URGCP: variants seen among roughly 807,000 people sequenced by gnomAD.
URGCP encodes the protein up-regulator of cell proliferation.
URGCP carries 13 observed loss-of-function variants against 24.6 expected under a neutral mutation model. The ratio of observed to expected loss-of-function variants is 0.53; its 90% confidence interval spans 0.34 to 0.84. The LOEUF (loss-of-function observed/expected upper bound fraction) is 0.84, where lower values mean the gene tolerates loss of function less well. Ranked by LOEUF, URGCP falls within the 40% of genes least tolerant of loss-of-function variation. URGCP has a pLI of 0.01. For synonymous variants in URGCP, 444 were observed against 487.2 expected, an observed-to-expected ratio of 0.91 and a Z score of 1.17; for missense variants, 899 against 1,194.3, an observed-to-expected ratio of 0.75 and a Z score of 3.64.
chr7:43,881,100 T>G, intron 5 of URGCP: 1 of 679,970 alleles, frequency 1.5e-6, no homozygotes, highest in South Asian at 1.6e-5. Flanking sequence ...TCAGGTTTCC[T>G]AGCTTTGCCT....
chr7:43,879,261 C>T lies in URGCP; in HGVS notation c.203-1G>A, dbSNP rs1401160774. ...ATTTCTTGAAGCCTGCTTCTCTCCA[C>T]TGTGGAAAGAAATGAAGACATAAGT... On this transcript the variant is annotated splice_acceptor_variant, in intron 5 of 5. Transcript: ENST00000453200. LOFTEE classifies it high-confidence loss of function. 6.2e-7 allele frequency: 1 copy of T among 1,603,000 alleles called. No individual in the cohort carries two copies. The highest frequency in any genetic ancestry group is 8.5e-7 in the Non-Finnish European group (1 of 1,176,486).
rs17851648 is a variant in URGCP at position 43,877,413 on chromosome 7, C to T, written c.2050G>A (p.Val684Ile). The T allele has an allele frequency of 2.2e-5, 35 of 1,613,482 alleles. No homozygotes were observed. In the African/African-American group the frequency reaches 2.3e-4, roughly 10 times the overall value. ...WVTGLLKELH[V>I]RLERRSRLVV... ...AGCCTTGACCGTCTCTCCAGTCGGA[C>T]GTGCAGCTCCTTCAGGAGCCCTGTG... The change falls in exon 6 of 6, where the codon GTC becomes ATC. Residue 684 changes from valine to isoleucine, a missense_variant. Physicochemically the swap from Val to Ile is conservative, Grantham distance 29. Coordinates refer to ENST00000453200, the MANE Select transcript of URGCP (RefSeq NM_001077663.3).
At chr7:43,909,739 AAAT>A (rs959836035), upstream of URGCP, among the ~76,000 whole-genome samples, 2 of 150,240 alleles carry the variant, frequency 1.3e-5, no homozygotes, top group African/African-American at 4.9e-5. Flanking sequence ...ATAATTTAAA[AAAT>A]AATAATAATA....
In URGCP at chr7:43,876,790, C is replaced by G. The variant is rs1333285772; in HGVS notation, c.2673G>C (p.Val891=). 6.2e-7 allele frequency: 1 copy of G among 1,614,212 alleles called. No individual in the cohort carries two copies. Among genetic ancestry groups the G allele is most frequent in the Admixed American group, 1.7e-5 (1 of 60,032 alleles). ...ATATGGCTTCACTGTAGGCCAAGCT[C>G]ACTGCGGCCATGGGAGGTGCTCCGT... The part of the protein sequence containing the change: ...LWHGAPPMAA[V]SLAYSEAIFE... The change falls in exon 6 of 6, where the codon GTG becomes GTC. Residue 891 remains valine (V), a synonymous_variant. Coordinates refer to ENST00000453200, the MANE Select transcript of URGCP (RefSeq NM_001077663.3).
chr7:43,903,542 T>C (rs1008442516), intron 1 of URGCP, among the ~76,000 whole-genome samples: 2 of 152,150 alleles, frequency 1.3e-5, no homozygotes, highest in African/African-American at 4.8e-5. Flanking sequence ...ATCTGAAAAA[T>C]ATAGACTTCA....
chr7:43,914,975 C>T (rs958235252), intron 1 of URGCP, among the ~76,000 whole-genome samples: 1 of 152,174 alleles, frequency 6.6e-6, no homozygotes, highest in Non-Finnish European at 1.5e-5. Context: ...CTCAGACTAA[C>T]GGCCCGCATG....
chr7:43,876,217 T>C lies in URGCP; in HGVS notation c.*450A>G, dbSNP rs1404643556. On this transcript the variant is annotated 3_prime_UTR_variant, in exon 6 of 6. Transcript: ENST00000453200. ...CGGGCACTCACATCTTGAATGCTGG[T>C]CCACTGGAGGCCCTTGGGTTGGGCG... 1 of 170,242 alleles carries C rather than the reference T, an allele frequency of 5.9e-6. No individual in the cohort carries two copies. The highest frequency in any genetic ancestry group is 1.3e-5 in the Non-Finnish European group (1 of 79,052). 10.5% of individuals were successfully genotyped at this position (170,242 alleles called of 1,614,324 possible). A position where few individuals can be genotyped will look rare whatever the true frequency, so the allele number is the denominator to read the frequency against.
At chr7:43,918,837 AAGG>A (rs1175814147) in intron 1 of URGCP, 6 of 1,334,954 alleles carry the variant, frequency 4.5e-6, no homozygotes, top group Non-Finnish European at 6.5e-6. Flanking sequence ...CACTGACCAC[AAGG>A]ACATCTTTTT....
intron 3 of URGCP, among the ~76,000 whole-genome samples, chr7:43,882,864 A>G (rs1175160570): frequency 6.6e-6 from 1 of 152,244 alleles, no homozygotes; most frequent in African/African-American, 2.4e-5. Context: ...TTGATTTTAG[A>G]AACTATTTAA....
rs965500296 is a variant in URGCP at position 43,876,969 on chromosome 7, G to A, written c.2494C>T (p.Pro832Ser). ...LHDVSVPGPRPRDKRQLLDPP... is the reference protein window; with the variant it reads ...LHDVSVPGPRSRDKRQLLDPP... ...TCCAGGAGCTGTCTCTTGTCTCTGG[G>A]CCTAGGGCCGGGAACAGATACATCA... Residue 832 changes from proline to serine, a missense_variant, in exon 6 of 6, where the codon CCC becomes TCC. Physicochemically the swap from Pro to Ser is moderately conservative, Grantham distance 74 (BLOSUM62 -1). Coordinates refer to ENST00000453200, the MANE Select transcript of URGCP (RefSeq NM_001077663.3). The A allele has an allele frequency of 9.3e-6, 15 of 1,614,054 alleles. No homozygotes were observed. Among genetic ancestry groups the A allele is most frequent in the Middle Eastern group, 1.6e-4 (1 of 6,084 alleles).
At chr7:43,905,687 G>C (rs1478798518) in intron 1 of URGCP, 2 of 152,118 alleles carry the variant, frequency 1.3e-5, no homozygotes, top group African/African-American at 2.4e-5. Context: ...CCCTCTGAAT[G>C]ATGGGTAACA....
intron 1 of URGCP, among the ~76,000 whole-genome samples, chr7:43,895,207 CA>C (rs554378011): frequency 1.4e-4 from 20 of 145,862 alleles, no homozygotes; most frequent in East Asian, 4.0e-4. Flanking sequence ...AACTCAATAG[CA>C]AAAAAAAAAT....
At chr7:43,895,639 C>T (rs186087840) in intron 1 of URGCP, among the ~76,000 whole-genome samples, 12 of 152,210 alleles carry the variant, frequency 7.9e-5, no homozygotes, top group Non-Finnish European at 1.5e-5. Context: ...CATGGCACTG[C>T]GCTCCAGCCT....
intron 1 of URGCP, among the ~76,000 whole-genome samples, chr7:43,902,566 A>G (rs2132706764): frequency 6.6e-6 from 1 of 152,326 alleles, no homozygotes; most frequent in East Asian, 1.9e-4. Flanking sequence ...TACCCACTGG[A>G]TCAAAGAAAA....
chr7:43,926,691 C>T (rs1373774348), upstream of URGCP: 11 of 925,880 alleles, frequency 1.2e-5, no homozygotes, highest in Non-Finnish European at 1.7e-5. Flanking sequence ...GGAGGCAGAA[C>T]AGCCTCCCGC....
chr7:43,879,523 T>G (rs2132650570), intron 5 of URGCP: 1 of 405,394 alleles, frequency 2.5e-6, no homozygotes, highest in Non-Finnish European at 4.4e-6. Flanking sequence ...CAGAAATAAA[T>G]AAGCTACATT....
Position 43,877,041 on chromosome 7 carries a change from T to C in URGCP, c.2422A>G (p.Lys808Glu). The C allele has an allele frequency of 6.2e-7, 1 of 1,614,250 alleles. No homozygotes were observed. Among genetic ancestry groups the C allele is most frequent in the African/African-American group, 1.3e-5 (1 of 75,064 alleles). The change falls in exon 6 of 6, where the codon AAA becomes GAA. Residue 808 changes from lysine (K) to glutamate (E), a missense_variant. By Grantham distance (56) the Lys-to-Glu change is moderately conservative. Transcript: ENST00000453200. ...AILHAFLRLE[K>E]TGHMPNYQFV... ...TGGTAGTTGGGCATGTGCCCCGTTT[T>C]TTCTAACCTCAGAAATGCATGCAGA... is the stretch of plus-strand genomic sequence containing the variant.
chr7:43,879,400 C>T (rs2095850663), intron 5 of URGCP, 140 bp from the exon 6 acceptor site: 1 of 1,021,510 alleles, frequency 9.8e-7, no homozygotes, highest in African/African-American at 1.6e-5. Context: ...ACAGGAGGCT[C>T]AGGGTGTGCT....
Position 43,878,693 on chromosome 7 carries a change from A to G in URGCP, c.770T>C (p.Leu257Ser). The change falls in exon 6 of 6, where the codon TTG (leucine) becomes TCG (serine). Residue 257 changes from leucine (L) to serine (S), a missense_variant. By Grantham distance (145) the Leu-to-Ser change is moderately radical. Coordinates refer to ENST00000453200, the MANE Select transcript of URGCP (RefSeq NM_001077663.3). This position sits in a 1 kb window ranked among gnomAD's most constrained non-coding sequence, Gnocchi z 5.6. ...MGSFREDSVV[L>S]SRAPAFAFVR... ...GAAGGCGAAGGCGGGCGCCCTGGACAAGACCACGCTGTCTTCCCGGAAGCT... is the reference window on the plus strand; with the variant it reads ...GAAGGCGAAGGCGGGCGCCCTGGACGAGACCACGCTGTCTTCCCGGAAGCT... 5 of 1,613,996 alleles carry G rather than the reference A, an allele frequency of 3.1e-6. No homozygotes were observed. Among genetic ancestry groups the G allele is most frequent in the Non-Finnish European group, 4.2e-6 (5 of 1,180,034 alleles).
Sources: allele counts gnomAD v4.1 joint callset (sites outside exome capture counted in the v4.1 genomes callset), GRCh38; gene constraint gnomAD v4.1.1; non-coding constraint Gnocchi (gnomAD v3.1); transcripts MANE v1.5; gene names NCBI Gene and HGNC (gene_info 2026-07-23, HGNC 2026-07-21).